ADGRB3: variants seen among roughly 807,000 people sequenced by gnomAD.
ADGRB3 encodes adhesion G protein-coupled receptor B3.
Under a neutral mutation model 193.4 loss-of-function variants are expected in ADGRB3, and 37 were observed. The ratio of observed to expected loss-of-function variants is 0.19; its 90% CI spans 0.15 to 0.25. ADGRB3 has a LOEUF of 0.25. Among genes scored for constraint, ADGRB3 ranks in the 10% least tolerant of loss-of-function variants. The probability of loss-of-function intolerance (pLI) is 1.00; values close to 1 mark genes in which losing one functional copy is unlikely to be tolerated. For missense variants in ADGRB3, 1,637 were observed against 1,852.9 expected (o/e 0.88, Z 2.14); for synonymous variants, 690 against 644.2 (o/e 1.07, Z -1.08).
At chr6:69,161,525 G>A (rs762119806) in intron 17 of ADGRB3, among the ~76,000 whole-genome samples, 1 of 152,106 alleles carries the variant, frequency 6.6e-6, no homozygotes, top group African/African-American at 2.4e-5. Flanking sequence ...TTCTGATTCA[G>A]TAGGTCTGTA....
At chr6:69,387,298 G>A (rs1562006373) in intron 31 of ADGRB3, among the ~76,000 whole-genome samples, 1 of 151,972 alleles carries the variant, frequency 6.6e-6, no homozygotes, top group Non-Finnish European at 1.5e-5. Context: ...AATATTGATT[G>A]AAGAGAAGCA....
intron 3 of ADGRB3, among the ~76,000 whole-genome samples, chr6:68,642,753 G>T (rs1238783381): frequency 2.8e-5 from 4 of 145,324 alleles, no homozygotes; most frequent in Admixed American, 6.9e-5. Context: ...AAATAAAAAT[G>T]TCTTATTTCA....
intron 20 of ADGRB3, among the ~76,000 whole-genome samples, chr6:69,305,371 T>C (rs1355119999): frequency 6.6e-6 from 1 of 151,528 alleles, no homozygotes; most frequent in Non-Finnish European, 1.5e-5. Context: ...AATATACTTT[T>C]TTGGCTAATA....
Position 69,307,075 on chromosome 6 carries a change from T to C in ADGRB3, c.2815-17797T>C, listed in dbSNP as rs576094829. 4.6e-5 allele frequency among the ~76,000 whole-genome samples: 7 copies of C among 151,576 alleles called. No individual in the cohort carries two copies. In the East Asian group the frequency reaches 1.4e-3, roughly 30 times the overall value. On this transcript the variant is annotated intron_variant, in intron 20 of 31. Coordinates refer to ENST00000370598, the MANE Select transcript of ADGRB3 (RefSeq NM_001704.3). ...TAGCTTCATTTATAAAAATAGCTTTTTTTTTTGCTTCCAACAACTTTCTTG... is the reference window on the plus strand; with the variant it reads ...TAGCTTCATTTATAAAAATAGCTTTCTTTTTTGCTTCCAACAACTTTCTTG...
intron 3 of ADGRB3, among the ~76,000 whole-genome samples, chr6:68,720,564 T>G (rs1765558318): frequency 6.6e-6 from 1 of 151,810 alleles, no homozygotes; most frequent in South Asian, 2.1e-4. Flanking sequence ...ATGCAGTCTC[T>G]TTATTCAAGG....
rs142785561 is a variant in ADGRB3, at chr6:69,189,302, C to T, written c.2481-43988C>T. ...GGTCAATTCCTTTGGGAACTATTCA[C>T]CTAAGGCTCATTATCAGTTCAACTA... On this transcript the variant is annotated intron_variant, in intron 17 of 31. Coordinates refer to ENST00000370598, the MANE Select transcript of ADGRB3 (RefSeq NM_001704.3). 2.6e-4 allele frequency among the ~76,000 whole-genome samples: 40 copies of T among 152,236 alleles called. No homozygotes were observed. In the East Asian group the frequency reaches 7.1e-3, roughly 27 times the overall value.
chr6:68,875,150 C>CTCCTTCCTTCCTTCCTTCCTTCCT (rs201497712), intron 3 of ADGRB3, among the ~76,000 whole-genome samples: 5 of 24,482 alleles, frequency 2.0e-4, no homozygotes, highest in African/African-American at 8.3e-4. Flanking sequence ...TCATTTCTTT[C>CTCCTTCCTTCCTTCCTTCCTTCCT]TCCTTCCTTC....
At chr6:69,061,233 G>A (rs1210415594) in intron 15 of ADGRB3, among the ~76,000 whole-genome samples, 1 of 151,916 alleles carries the variant, frequency 6.6e-6, no homozygotes, top group Non-Finnish European at 1.5e-5. Context: ...CTGCATACAT[G>A]AGAAATGCAC....
intron 12 of ADGRB3, among the ~76,000 whole-genome samples, chr6:69,016,391 A>G (rs927437613): frequency 6.6e-6 from 1 of 151,918 alleles, no homozygotes; most frequent in African/African-American, 2.4e-5. Context: ...GATTACAAAG[A>G]CCCTATTACA....
intron 17 of ADGRB3, among the ~76,000 whole-genome samples, chr6:69,154,620 G>GAGCACCCTTTACCTCCCACAT: frequency 6.6e-6 from 1 of 152,086 alleles, no homozygotes; most frequent in Non-Finnish European, 1.5e-5. Context: ...CGTTTTCCCA[G>GAGCACCCTTTACCTCCCACAT]AGCACCCTTT....
chr6:68,769,809 T>A (rs904405370), intron 3 of ADGRB3, among the ~76,000 whole-genome samples: 9 of 152,266 alleles, frequency 5.9e-5, no homozygotes, highest in African/African-American at 9.6e-5. Context: ...TTATTTTTAT[T>A]AACTTTTTTC....
intron 3 of ADGRB3, among the ~76,000 whole-genome samples, chr6:68,732,802 G>T (rs956996265): frequency 6.6e-6 from 1 of 151,792 alleles, no homozygotes; most frequent in Admixed American, 6.6e-5. Context: ...AAAGGCACTC[G>T]GGTACTTTTA....
At chr6:69,257,082 A>C (rs1766793174) in intron 20 of ADGRB3, among the ~76,000 whole-genome samples, 1 of 151,804 alleles carries the variant, frequency 6.6e-6, no homozygotes, top group Admixed American at 6.6e-5. Flanking sequence ...AAGCTTTTTG[A>C]TGTGCTGCTG....
intron 3 of ADGRB3, among the ~76,000 whole-genome samples, chr6:68,667,624 A>T (rs1443959899): frequency 2.0e-5 from 3 of 151,892 alleles, no homozygotes; most frequent in Non-Finnish European, 4.4e-5. Flanking sequence ...GGAAAACAGA[A>T]ATTTCTGAGA....
At chr6:68,930,130 C>T (rs532317302) in intron 3 of ADGRB3, among the ~76,000 whole-genome samples, 1 of 150,914 alleles carries the variant, frequency 6.6e-6, no homozygotes, top group East Asian at 1.9e-4. Context: ...AGTTACAGGA[C>T]TGAGTAATCT....
intron 20 of ADGRB3, among the ~76,000 whole-genome samples, chr6:69,302,656 G>A (rs1767972003): frequency 6.6e-6 from 1 of 151,954 alleles, no homozygotes; most frequent in Non-Finnish European, 1.5e-5. Flanking sequence ...TTACAGAAGA[G>A]AACCCTGTAG....
intron 11 of ADGRB3, among the ~76,000 whole-genome samples, chr6:69,013,419 T>C (rs954061200): frequency 5.3e-5 from 8 of 152,132 alleles, no homozygotes; most frequent in Non-Finnish European, 1.2e-4. Flanking sequence ...CCATGTTGGC[T>C]TGCTGGCAAA....
At chr6:68,862,142 C>G (rs977539047) in intron 3 of ADGRB3, among the ~76,000 whole-genome samples, 3 of 114,682 alleles carry the variant, frequency 2.6e-5, no homozygotes, top group Admixed American at 1.8e-4. Context: ...CCCCCCCCCC[C>G]ACCCCAATTC....
chr6:69,112,047 T>C (rs1363099019), intron 17 of ADGRB3, among the ~76,000 whole-genome samples: 1 of 152,232 alleles, frequency 6.6e-6, no homozygotes, highest in Non-Finnish European at 1.5e-5. Flanking sequence ...GGGAATAGGC[T>C]AAGCTGGTGT....
Sources: allele counts gnomAD v4.1 joint callset (sites outside exome capture counted in the v4.1 genomes callset), GRCh38; gene constraint gnomAD v4.1.1; transcripts MANE v1.5; gene names NCBI Gene and HGNC (gene_info 2026-07-23, HGNC 2026-07-21).